The following EFNA5 variants were observed in gnomAD, a reference collection of about 807,000 sequenced individuals.
EFNA5 encodes the protein ephrin A5.
Under a neutral mutation model 22.9 loss-of-function variants are expected in EFNA5, and 5 were observed. The ratio of observed to expected loss-of-function variants is 0.22; its 90% CI spans 0.11 to 0.46. The LOEUF is 0.46. Ranked by LOEUF, EFNA5 falls within the 20% of genes least tolerant of loss-of-function variation. The pLI is 0.99. For missense variants in EFNA5, 237 were observed against 293.3 expected, an observed-to-expected ratio of 0.81 and a Z score of 1.40; for synonymous variants, 113 against 112.2, an observed-to-expected ratio of 1.01 and a Z score of -0.04.
chr5:107,397,961 C>T (rs1424952241), intron 2 of EFNA5, among the ~76,000 whole-genome samples: 1 of 152,158 alleles, frequency 6.6e-6, no homozygotes, highest in Admixed American at 6.5e-5. Context: ...TGTGCATTCC[C>T]ATTCGTCATA....
intron 4 of EFNA5, among the ~76,000 whole-genome samples, chr5:107,386,184 A>T (rs988450604): frequency 6.6e-6 from 1 of 151,252 alleles, no homozygotes; most frequent in Non-Finnish European, 1.5e-5. Context: ...CTCCATTTAC[A>T]TAAGGGGGCT....
chr5:107,395,142 G>A lies in EFNA5; in HGVS notation c.419-7371C>T, dbSNP rs187845422. On this transcript the variant is annotated intron_variant, in intron 2 of 4. Transcript: ENST00000333274. ...CAACTTCCACCTACCAGGTTCAAGCGATTCTCCTGTCTCAGCCTCCTGAGT... is the reference window on the plus strand; with the variant it reads ...CAACTTCCACCTACCAGGTTCAAGCAATTCTCCTGTCTCAGCCTCCTGAGT... 6.3e-3 allele frequency among the ~76,000 whole-genome samples: 899 copies of A among 143,728 alleles called. 6 individuals carry two copies. The highest frequency in any genetic ancestry group is 0.022 in the African/African-American group (859 of 39,112). The allele number at this position is 143,728 out of a possible 152,430, so 94.3% of individuals were successfully genotyped here. A position where few individuals can be genotyped will look rare whatever the true frequency, so the allele number is the denominator to read the frequency against.
At chr5:107,404,824 T>G (rs1748167332) in intron 2 of EFNA5, among the ~76,000 whole-genome samples, 1 of 152,206 alleles carries the variant, frequency 6.6e-6, no homozygotes, top group Admixed American at 6.5e-5. Flanking sequence ...AGGTTGAAAC[T>G]TGGTAGAACT....
chr5:107,637,995 T>C (rs164687), intron 1 of EFNA5, among the ~76,000 whole-genome samples: 99,760 of 150,308 alleles, frequency 0.66, 33,512 homozygotes, highest in Non-Finnish European at 0.73. Flanking sequence ...TACACGCACC[T>C]GCCACCACGC....
Position 107,664,806 on chromosome 5 carries a change from G to A in EFNA5, c.125+5683C>T, listed in dbSNP as rs143549939. On this transcript the variant is annotated intron_variant, in intron 1 of 4. Coordinates refer to ENST00000333274, the MANE Select transcript of EFNA5 (RefSeq NM_001962.3). ...CTTTGCAACATGGATATTCTAATCC[G>A]GAATGCTATTTTAACAGTTTGTATA... Among the ~76,000 whole-genome samples, 423 of 152,136 alleles carry A rather than the reference G, an allele frequency of 2.8e-3. 2 individuals are homozygous for A. The highest frequency in any genetic ancestry group is 8.8e-3 in the African/African-American group (366 of 41,486).
intron 1 of EFNA5, among the ~76,000 whole-genome samples, chr5:107,430,186 T>G (rs959321693): frequency 3.3e-5 from 5 of 152,188 alleles, no homozygotes; most frequent in African/African-American, 1.2e-4. Context: ...TTTAAAAGAT[T>G]TTTGAACATC....
chr5:107,614,888 CA>C (rs1260269519), intron 1 of EFNA5, among the ~76,000 whole-genome samples: 13 of 151,878 alleles, frequency 8.6e-5, no homozygotes, highest in Admixed American at 1.3e-4. Flanking sequence ...TAAAGTGATA[CA>C]AAAAAATATG....
rs530502776 is a variant in EFNA5, at chr5:107,507,944, C to A, written c.126-80435G>T. 2.0e-5 allele frequency among the ~76,000 whole-genome samples: 3 copies of A among 152,216 alleles called. No individual in the cohort carries two copies. In the South Asian group the frequency reaches 6.2e-4, roughly 32 times the overall value. ...TTAACCAGCTGTGGGCTGGTGCATG[C>A]TTAGAAAGGCCAGGAAAGAGGACAA... On this transcript the variant is annotated intron_variant, in intron 1 of 4. Transcript: ENST00000333274.
intron 4 of EFNA5, among the ~76,000 whole-genome samples, chr5:107,386,148 CAAAAAAA>C (rs33964723): frequency 3.4e-4 from 27 of 79,488 alleles, no homozygotes; most frequent in Admixed American, 1.2e-3. Flanking sequence ...AGAAATTCTA[CAAAAAAA>C]AAAAAAAAAA....
chr5:107,569,692 A>C (rs1748754480), intron 1 of EFNA5, among the ~76,000 whole-genome samples: 1 of 147,678 alleles, frequency 6.8e-6, no homozygotes, highest in African/African-American at 2.5e-5. Context: ...TCTACTAAAA[A>C]TACAAAAAAA....
intron 1 of EFNA5, among the ~76,000 whole-genome samples, chr5:107,567,205 T>G (rs780344672): frequency 3.3e-5 from 5 of 152,056 alleles, no homozygotes; most frequent in Non-Finnish European, 7.4e-5. Context: ...TCACTGGCAT[T>G]CCGCACCAAA....
chr5:107,419,027 C>G (rs1033657756), intron 2 of EFNA5, among the ~76,000 whole-genome samples: 4 of 152,176 alleles, frequency 2.6e-5, no homozygotes, highest in African/African-American at 9.7e-5. Context: ...CCTCCTCCAC[C>G]TTTGATTTCA....
chr5:107,426,824 T>C (rs1748821047), intron 2 of EFNA5, among the ~76,000 whole-genome samples: 1 of 152,222 alleles, frequency 6.6e-6, no homozygotes, highest in African/African-American at 2.4e-5. Flanking sequence ...ATGTGGAAGA[T>C]TGAAAGGATA....
At chr5:107,444,283 G>C (rs983946193) in intron 1 of EFNA5, among the ~76,000 whole-genome samples, 3 of 152,166 alleles carry the variant, frequency 2.0e-5, no homozygotes, top group Admixed American at 1.3e-4. Flanking sequence ...TTTCCTATTA[G>C]AGTGCTAATT....
At chr5:107,512,686 C>T (rs73197084) in intron 1 of EFNA5, among the ~76,000 whole-genome samples, 3,814 of 152,084 alleles carry the variant, frequency 0.025, 148 homozygotes, top group African/African-American at 0.086. Flanking sequence ...AAGATGACAG[C>T]TCCATCAAGC....
intron 1 of EFNA5, among the ~76,000 whole-genome samples, chr5:107,555,201 C>A (rs1219919586): frequency 1.3e-5 from 2 of 152,348 alleles, no homozygotes; most frequent in East Asian, 3.9e-4. Context: ...TCACATATGA[C>A]TGGAATCCTC....
intron 1 of EFNA5, among the ~76,000 whole-genome samples, chr5:107,660,280 ATATATATAT>A (rs2112559951): frequency 1.9e-5 from 1 of 52,568 alleles, no homozygotes; most frequent in East Asian, 1.9e-3. Context: ...ATATATATAT[ATATATATAT>A]ATATATATAT....
At chr5:107,654,451 A>C (rs960923551) in intron 1 of EFNA5, among the ~76,000 whole-genome samples, 4 of 152,128 alleles carry the variant, frequency 2.6e-5, no homozygotes, top group Non-Finnish European at 4.4e-5. Flanking sequence ...GATTTGTTAG[A>C]TACCTAAGGA....
chr5:107,484,996 T>A (rs1444270676), intron 1 of EFNA5, among the ~76,000 whole-genome samples: 1 of 150,114 alleles, frequency 6.7e-6, no homozygotes, highest in African/African-American at 2.5e-5. Flanking sequence ...ACAAAGCAGA[T>A]TTTAAAAAGA....
Sources: allele counts gnomAD v4.1 joint callset (sites outside exome capture counted in the v4.1 genomes callset), GRCh38; gene constraint gnomAD v4.1.1; transcripts MANE v1.5; gene names NCBI Gene and HGNC (gene_info 2026-07-23, HGNC 2026-07-21).